The following AGAP1 variants were observed in gnomAD, a reference collection of about 807,000 sequenced individuals.
AGAP1 encodes ArfGAP with GTPase domain, ankyrin repeat and PH domain 1.
In AGAP1, 29 loss-of-function variants were observed where a neutral mutation model predicts 105.3. The ratio of observed to expected loss-of-function variants is 0.28; its 90% CI spans 0.21 to 0.38. The LOEUF (loss-of-function observed/expected upper bound fraction) is 0.38. AGAP1 is among the 10% of genes least tolerant of loss of function. The pLI is 1.00. For synonymous variants in AGAP1, 509 were observed against 485.9 expected (o/e 1.05, Z -0.63); for missense variants, 998 against 1,165.1 (o/e 0.86, Z 2.09).
At position 235,661,911 on chromosome 2, in the gene AGAP1, A is replaced by G. The variant is rs1320640132; in HGVS notation, c.164-47268A>G. 2.6e-5 allele frequency among the ~76,000 whole-genome samples: 4 copies of G among 152,172 alleles called. No homozygotes were observed. The East Asian group carries it at 7.7e-4, about 29-fold the overall frequency. Reference sequence around the variant, plus strand: ...TGAGTTGGGATGGAAAGGATGCATGACAGTCAGCTTCCCTACAGCTGGAGG... The same window carrying G: ...TGAGTTGGGATGGAAAGGATGCATGGCAGTCAGCTTCCCTACAGCTGGAGG... On this transcript the variant is annotated intron_variant, in intron 1 of 17. Transcript: ENST00000304032.
intron 1 of AGAP1, among the ~76,000 whole-genome samples, chr2:235,498,254 G>C (rs1215135653): frequency 6.6e-6 from 1 of 152,178 alleles, no homozygotes; most frequent in Non-Finnish European, 1.5e-5. Flanking sequence ...CTTGTCAGAA[G>C]AGAACAGTTT....
At chr2:235,917,140 G>C (rs780775357) in intron 11 of AGAP1, among the ~76,000 whole-genome samples, 1 of 152,114 alleles carries the variant, frequency 6.6e-6, no homozygotes, top group Non-Finnish European at 1.5e-5. Flanking sequence ...TTTGTCAAAG[G>C]AATCCTTTCC....
Position 235,753,618 on chromosome 2 carries a change from A to C in AGAP1, c.673+3130A>C, listed in dbSNP as rs1273941139. Among the ~76,000 whole-genome samples, 1 of 152,026 alleles carries C rather than the reference A, an allele frequency of 6.6e-6. No individual in the cohort carries two copies. Among genetic ancestry groups the C allele is most frequent in the Non-Finnish European group, 1.5e-5 (1 of 68,018 alleles). On this transcript the variant is annotated intron_variant, in intron 6 of 17. Transcript: ENST00000304032. This position sits in a 1 kb window ranked among gnomAD's most constrained non-coding sequence, Gnocchi z 4.5. ...CTACTCAGGAAGCCAAGGCAGGAGA[A>C]TCGCTTGAACCTGGGAGGCGGAGGT...
In AGAP1 at chr2:235,751,723, C is replaced by T. The variant is rs191132716; in HGVS notation, c.673+1235C>T. On this transcript the variant is annotated intron_variant, in intron 6 of 17. Coordinates refer to ENST00000304032, the MANE Select transcript of AGAP1 (RefSeq NM_001037131.3). This position sits in a 1 kb window ranked among gnomAD's most constrained non-coding sequence, Gnocchi z 5.3. ...TTTCTAAGCCTGCCGTCTCTTCCCG[C>T]GCATCTCTGCCTCTCAGATACTTAC... Among the ~76,000 whole-genome samples the T allele has an allele frequency of 8.3e-4, 127 of 152,316 alleles. 3 individuals are homozygous for T. The East Asian group carries it at 0.02, about 24-fold the overall frequency.
rs1448975774 is a variant in AGAP1, at chr2:236,073,908, C to A, written c.2114+24627C>A. Among the ~76,000 whole-genome samples, 1 of 149,970 alleles carries A rather than the reference C, an allele frequency of 6.7e-6. No individual in the cohort carries two copies. Among genetic ancestry groups the A allele is most frequent in the Non-Finnish European group, 1.5e-5 (1 of 67,060 alleles). On this transcript the variant is annotated intron_variant, in intron 16 of 17. Coordinates refer to ENST00000304032, the MANE Select transcript of AGAP1 (RefSeq NM_001037131.3). This position sits in a 1 kb window ranked among gnomAD's most constrained non-coding sequence, Gnocchi z 5.4. Reference sequence around the variant, plus strand: ...GTTGGCCTGGGCATGCCCCTCCCCCCAAGCATTTCCGCTGCACATCCCAGC... The same window carrying A: ...GTTGGCCTGGGCATGCCCCTCCCCCAAAGCATTTCCGCTGCACATCCCAGC...
chr2:236,021,221 A>C (rs1178954008), intron 13 of AGAP1, among the ~76,000 whole-genome samples: 1 of 151,564 alleles, frequency 6.6e-6, no homozygotes, highest in Non-Finnish European at 1.5e-5. Flanking sequence ...AAACCCTTGC[A>C]TGGGGAATAA....
chr2:235,588,315 G>T (rs1316154210), intron 1 of AGAP1, among the ~76,000 whole-genome samples: 1 of 152,072 alleles, frequency 6.6e-6, no homozygotes, highest in African/African-American at 2.4e-5. Context: ...TAGTTCTCAG[G>T]ATCCATTGGG....
intron 1 of AGAP1, among the ~76,000 whole-genome samples, chr2:235,567,513 G>A (rs1005205611): frequency 6.6e-6 from 1 of 152,204 alleles, no homozygotes; most frequent in Non-Finnish European, 1.5e-5. Flanking sequence ...TTCTCCCCGT[G>A]TCTGTTCTTG....
intron 1 of AGAP1, among the ~76,000 whole-genome samples, chr2:235,503,174 A>G (rs1007039697): frequency 9.2e-5 from 14 of 152,188 alleles, no homozygotes; most frequent in Non-Finnish European, 1.9e-4. Flanking sequence ...AGTGCTGGCT[A>G]GCTTATGTAA....
chr2:235,928,431 C>T (rs1279114152), intron 11 of AGAP1, among the ~76,000 whole-genome samples: 1 of 152,172 alleles, frequency 6.6e-6, no homozygotes, highest in Non-Finnish European at 1.5e-5. Context: ...GGGGGTCACC[C>T]AGCAAGACAA....
rs1049444276 is a variant in AGAP1, at chr2:236,126,542, A to T, written c.*2420A>T. ...TATTATTCTATGTGTTTATAATATA[A>T]TATTTTCCCAAATGACTTCTTGTTT... is the stretch of plus-strand genomic sequence containing the variant. On this transcript the variant is annotated 3_prime_UTR_variant, in exon 18 of 18. Transcript: ENST00000304032. 1 of 152,164 alleles carries T rather than the reference A, an allele frequency of 6.6e-6. No homozygotes were observed. The highest frequency in any genetic ancestry group is 2.4e-5 in the African/African-American group (1 of 41,438). The allele number at this position is 152,164 out of a possible 1,614,324, so 9.4% of individuals were successfully genotyped here.
intron 10 of AGAP1, among the ~76,000 whole-genome samples, chr2:235,896,078 A>G (rs565839526): frequency 6.6e-6 from 1 of 152,338 alleles, no homozygotes; most frequent in African/African-American, 2.4e-5. Context: ...CTTACAAAAC[A>G]AACTCTACGC....
At position 235,559,259 on chromosome 2, in the gene AGAP1, G is replaced by A. The variant is rs139416991; in HGVS notation, c.163+64410G>A. On this transcript the variant is annotated intron_variant, in intron 1 of 17. Transcript: ENST00000304032. This position sits in a 1 kb window ranked among gnomAD's most constrained non-coding sequence, Gnocchi z 5.7. ...GATTTTTTAGAAACTTGCCAGCTTA[G>A]TCTTTATAAAAATACGATGAAGGGG... 1.3e-5 allele frequency among the ~76,000 whole-genome samples: 2 copies of A among 152,226 alleles called. No individual in the cohort carries two copies. Among genetic ancestry groups the A allele is most frequent in the South Asian group, 2.1e-4 (1 of 4,822 alleles).
At chr2:235,954,658 A>T (rs1236433264) in intron 12 of AGAP1, among the ~76,000 whole-genome samples, 1 of 151,302 alleles carries the variant, frequency 6.6e-6, no homozygotes, top group Non-Finnish European at 1.5e-5. Context: ...GAGCTTCAGC[A>T]CACCAGCAGC....
chr2:235,972,747 C>T (rs2054703108), intron 13 of AGAP1, among the ~76,000 whole-genome samples: 1 of 152,160 alleles, frequency 6.6e-6, no homozygotes, highest in Admixed American at 6.5e-5. Context: ...CAACAGAAGC[C>T]GTAGAGTGTT....
rs928191975 is a variant in AGAP1 at position 235,866,078 on chromosome 2, G to T, written c.1051-17267G>T. On this transcript the variant is annotated intron_variant, in intron 9 of 17. Transcript: ENST00000304032. The surrounding 1 kb of genome is among the most constrained non-coding windows in gnomAD (Gnocchi z 6.1). Reference sequence around the variant, plus strand: ...TTTTTTCTGCTAAACCCTACGTCTTGCAGTATATGGGTCACTCATCCAGAT... The same window carrying T: ...TTTTTTCTGCTAAACCCTACGTCTTTCAGTATATGGGTCACTCATCCAGAT... Among the ~76,000 whole-genome samples the T allele has an allele frequency of 1.4e-4, 22 of 152,292 alleles. No homozygotes were observed. The highest frequency in any genetic ancestry group is 5.1e-4 in the African/African-American group (21 of 41,554).
At chr2:235,862,502 T>G (rs1292396887) in intron 9 of AGAP1, among the ~76,000 whole-genome samples, 1 of 152,188 alleles carries the variant, frequency 6.6e-6, no homozygotes, top group Non-Finnish European at 1.5e-5. Context: ...TGGAGTGCTG[T>G]GTTGAGAAGG....
In AGAP1 at chr2:235,700,671, G is replaced by A. The variant is rs758127853; in HGVS notation, c.164-8508G>A. On this transcript the variant is annotated intron_variant, in intron 1 of 17. Transcript: ENST00000304032. This position sits in a 1 kb window ranked among gnomAD's most constrained non-coding sequence, Gnocchi z 6.1. Reference sequence around the variant, plus strand: ...AAAAATTAGCCAGGCATGGTAGCGCGTGCCTGTAGTCCCAGCTACTCAAGA... The same window carrying A: ...AAAAATTAGCCAGGCATGGTAGCGCATGCCTGTAGTCCCAGCTACTCAAGA... Among the ~76,000 whole-genome samples, 5 of 151,890 alleles carry A rather than the reference G, an allele frequency of 3.3e-5. No individual in the cohort carries two copies. The highest frequency in any genetic ancestry group is 2.1e-4 in the South Asian group (1 of 4,814).
rs2059695727 is a variant in AGAP1, at chr2:236,113,306, A to G, written c.2115-6886A>G. Among the ~76,000 whole-genome samples the G allele has an allele frequency of 6.6e-6, 1 of 151,056 alleles. No individual in the cohort carries two copies. The highest frequency in any genetic ancestry group is 2.4e-5 in the African/African-American group (1 of 41,056). The stretch of plus-strand genomic sequence containing the variant: ...CAGGCATCCGCCACCATGCCCGGCT[A>G]ATTTTTGTATTTTTAGTAGAGATGG... On this transcript the variant is annotated intron_variant, in intron 16 of 17. Coordinates refer to ENST00000304032, the MANE Select transcript of AGAP1 (RefSeq NM_001037131.3). This position sits in a 1 kb window ranked among gnomAD's most constrained non-coding sequence, Gnocchi z 4.3.
Sources: allele counts gnomAD v4.1 joint callset (sites outside exome capture counted in the v4.1 genomes callset), GRCh38; gene constraint gnomAD v4.1.1; non-coding constraint Gnocchi (gnomAD v3.1); transcripts MANE v1.5; gene names NCBI Gene and HGNC (gene_info 2026-07-23, HGNC 2026-07-21).